Variants in RANBP17 observed in about 807,000 individuals in gnomAD.
The protein encoded by RANBP17 is RAN binding protein 17, also known as ran-binding protein 17.
RANBP17 carries 158 observed loss-of-function variants against 141.2 expected under a neutral mutation model. The observed-to-expected ratio is 1.12, with a 90% CI of 0.98 to 1.28. The LOEUF (loss-of-function observed/expected upper bound fraction) is 1.28. Ranked by LOEUF, RANBP17 falls within the 50% of genes most tolerant of loss-of-function variation. RANBP17 has a pLI of 0.00. For missense variants in RANBP17, 1,438 were observed against 1,290.7 expected (o/e 1.11, Z -1.75); for synonymous variants, 430 against 450.0 (o/e 0.96, Z 0.56).
intron 14 of RANBP17, among the ~76,000 whole-genome samples, chr5:171,153,775 C>T (rs1758652104): frequency 6.6e-6 from 1 of 152,182 alleles, no homozygotes; most frequent in Non-Finnish European, 1.5e-5. Context: ...AGGCTGAGTG[C>T]AGTGGCTCAT....
At chr5:171,266,064 C>T (rs564724781) in intron 25 of RANBP17, among the ~76,000 whole-genome samples, 2 of 152,230 alleles carry the variant, frequency 1.3e-5, no homozygotes, top group African/African-American at 4.8e-5. Flanking sequence ...GTTCATCTCA[C>T]CTCAGTGGAG....
intron 14 of RANBP17, among the ~76,000 whole-genome samples, chr5:171,087,642 G>T (rs1484065662): frequency 6.6e-6 from 1 of 151,704 alleles, no homozygotes; most frequent in Admixed American, 6.6e-5. Flanking sequence ...ATGAATCTGG[G>T]TGCTCCCGTA....
intron 13 of RANBP17, among the ~76,000 whole-genome samples, chr5:170,955,169 G>C (rs767478956): frequency 1.3e-5 from 2 of 152,044 alleles, no homozygotes; most frequent in Non-Finnish European, 2.9e-5. Flanking sequence ...CTGGTCCCTG[G>C]TGCCAAAAAG....
Position 170,893,712 on chromosome 5 carries a change from G to A in RANBP17, c.423+1159G>A, listed in dbSNP as rs186838423. On this transcript the variant is annotated intron_variant, in intron 4 of 27. Coordinates refer to ENST00000523189, the MANE Select transcript of RANBP17 (RefSeq NM_022897.5). ...GGAGGCTGAGGCAGGAGAATGGCGT[G>A]AACCCGGTAGACGGAGCTTGCAGTG... is the stretch of plus-strand genomic sequence containing the variant. Among the ~76,000 whole-genome samples the A allele has an allele frequency of 1.8e-3, 272 of 151,702 alleles. 1 individual carries two copies. Among genetic ancestry groups the A allele is most frequent in the African/African-American group, 6.1e-3 (253 of 41,384 alleles).
chr5:171,066,633 G>A (rs1310848467), intron 14 of RANBP17, among the ~76,000 whole-genome samples: 1 of 152,176 alleles, frequency 6.6e-6, no homozygotes, highest in Admixed American at 6.5e-5. Context: ...GTGAACGTGG[G>A]AGTGGAGATA....
intron 14 of RANBP17, among the ~76,000 whole-genome samples, chr5:170,997,188 C>T (rs1778873848): frequency 6.6e-6 from 1 of 152,186 alleles, no homozygotes; most frequent in African/African-American, 2.4e-5. Context: ...CCTTCGCCTT[C>T]TGCCGTGATT....
intron 26 of RANBP17, 76 bp downstream of exon 26, chr5:171,294,057 A>G (rs567314405): frequency 3.7e-6 from 4 of 1,085,236 alleles, no homozygotes; most frequent in Non-Finnish European, 5.7e-6. Context: ...GTGAGCTGTG[A>G]TGACGAAGGA....
At chr5:170,962,139 A>G (rs1293947681) in intron 13 of RANBP17, among the ~76,000 whole-genome samples, 2 of 152,174 alleles carry the variant, frequency 1.3e-5, no homozygotes, top group African/African-American at 4.8e-5. Context: ...TTAGGGAACT[A>G]CCCTGGATTT....
At chr5:171,157,217 G>A (rs1422369238) in intron 14 of RANBP17, among the ~76,000 whole-genome samples, 1 of 152,142 alleles carries the variant, frequency 6.6e-6, no homozygotes, top group African/African-American at 2.4e-5. Context: ...TAGTCTAAAT[G>A]TCTAATAATT....
intron 12 of RANBP17, among the ~76,000 whole-genome samples, chr5:170,941,229 G>A (rs1475286410): frequency 2.0e-5 from 3 of 151,950 alleles, no homozygotes; most frequent in Non-Finnish European, 4.4e-5. Flanking sequence ...TAAACCCTGA[G>A]AATGGAGAAA....
intron 25 of RANBP17, among the ~76,000 whole-genome samples, chr5:171,289,507 G>A (rs995621019): frequency 6.6e-6 from 1 of 152,154 alleles, no homozygotes; most frequent in Non-Finnish European, 1.5e-5. Flanking sequence ...GGAGGCTGAG[G>A]GGGGAGGATT....
chr5:170,934,616 A>C lies in RANBP17; in HGVS notation c.1468+10066A>C, dbSNP rs1561906459. 2.0e-5 allele frequency among the ~76,000 whole-genome samples: 3 copies of C among 152,188 alleles called. No individual in the cohort carries two copies. The South Asian group carries it at 6.2e-4, about 32-fold the overall frequency. On this transcript the variant is annotated intron_variant, in intron 12 of 27. Transcript: ENST00000523189. ...TGGGTTGAAAATTCTTTTCTTGAAGAATGTTGAATATTGGCCCCCACTCTC... is the reference window on the plus strand; with the variant it reads ...TGGGTTGAAAATTCTTTTCTTGAAGCATGTTGAATATTGGCCCCCACTCTC...
chr5:170,928,793 T>C (rs1441957939), intron 12 of RANBP17, among the ~76,000 whole-genome samples: 1 of 151,678 alleles, frequency 6.6e-6, no homozygotes, highest in African/African-American at 2.4e-5. Context: ...CAAAACCGTT[T>C]GGCTATTCTA....
At chr5:171,055,165 TA>T (rs1159160596) in intron 14 of RANBP17, among the ~76,000 whole-genome samples, 1 of 152,166 alleles carries the variant, frequency 6.6e-6, no homozygotes, top group African/African-American at 2.4e-5. Flanking sequence ...ACCAAACTGA[TA>T]TGGGGTTGCT....
At chr5:171,002,268 G>A (rs1239623729) in intron 14 of RANBP17, among the ~76,000 whole-genome samples, 1 of 152,118 alleles carries the variant, frequency 6.6e-6, no homozygotes, top group Non-Finnish European at 1.5e-5. Flanking sequence ...ATTGATAGGT[G>A]GAGGTTTCGG....
At chr5:171,143,672 C>T (rs1444443081) in intron 14 of RANBP17, among the ~76,000 whole-genome samples, 1 of 152,122 alleles carries the variant, frequency 6.6e-6, no homozygotes, top group Non-Finnish European at 1.5e-5. Flanking sequence ...ATCCCAGTCC[C>T]TATGCTTAGA....
At chr5:171,108,913 AAAAAAC>A (rs1290125700) in intron 14 of RANBP17, among the ~76,000 whole-genome samples, 2 of 152,188 alleles carry the variant, frequency 1.3e-5, no homozygotes, top group African/African-American at 4.8e-5. Flanking sequence ...AAACTTTATT[AAAAAAC>A]AAAAACAATA....
Position 171,055,975 on chromosome 5 carries a change from C to T in RANBP17, c.1710+87598C>T, listed in dbSNP as rs187876466. On this transcript the variant is annotated intron_variant, in intron 14 of 27. Coordinates refer to ENST00000523189, the MANE Select transcript of RANBP17 (RefSeq NM_022897.5). ...AATTAAGATTACTCACAAATAGTTT[C>T]GAAATTCTGGAGAAATCAGCTAGAG... Among the ~76,000 whole-genome samples the T allele has an allele frequency of 1.3e-4, 19 of 149,518 alleles. No homozygotes were observed. The East Asian group carries it at 2.0e-3, about 15-fold the overall frequency.
At chr5:171,096,942 ATTATAATGGTT>A (rs1786739412) in intron 14 of RANBP17, among the ~76,000 whole-genome samples, 1 of 151,746 alleles carries the variant, frequency 6.6e-6, no homozygotes, top group Admixed American at 6.6e-5. Context: ...TACAAGAAGG[ATTATAATGGTT>A]TTGGTTGAAG....
Sources: allele counts gnomAD v4.1 joint callset (sites outside exome capture counted in the v4.1 genomes callset), GRCh38; gene constraint gnomAD v4.1.1; transcripts MANE v1.5; gene names NCBI Gene and HGNC (gene_info 2026-07-23, HGNC 2026-07-21).